Variants in NPFFR2 observed in about 807,000 individuals in gnomAD.
NPFFR2 encodes the protein neuropeptide FF receptor 2.
In NPFFR2, 15 loss-of-function variants were observed where a neutral mutation model predicts 13.1. That is an observed-to-expected ratio of 1.15 (90% CI 0.77 to 1.76). The LOEUF (loss-of-function observed/expected upper bound fraction) is 1.76. Ranked by LOEUF, NPFFR2 falls within the 40% of genes most tolerant of loss-of-function variation. The pLI, the probability that NPFFR2 is intolerant of heterozygous loss-of-function variation, is 0.00. For synonymous variants in NPFFR2, 190 were observed against 175.7 expected, an observed-to-expected ratio of 1.08 and a Z score of -0.65; for missense variants, 572 against 503.5, an observed-to-expected ratio of 1.14 and a Z score of -1.30.
At chr4:72,047,926 T>C (rs1263455841) in intron 1 of NPFFR2, among the ~76,000 whole-genome samples, 1 of 152,120 alleles carries the variant, frequency 6.6e-6, no homozygotes, top group African/African-American at 2.4e-5. Context: ...TATTTGAGAA[T>C]GTGTCTAGGG....
At chr4:72,105,336 A>G (rs1028852720) in intron 1 of NPFFR2, among the ~76,000 whole-genome samples, 1 of 152,058 alleles carries the variant, frequency 6.6e-6, no homozygotes, top group Non-Finnish European at 1.5e-5. Context: ...CTATTTTACT[A>G]CAAAAATATG....
chr4:72,103,007 A>G (rs1039706376), intron 1 of NPFFR2, among the ~76,000 whole-genome samples: 3 of 151,962 alleles, frequency 2.0e-5, no homozygotes, highest in African/African-American at 7.3e-5. Flanking sequence ...AAGTGTTCCT[A>G]TTTCTCCACA....
intron 3 of NPFFR2, among the ~76,000 whole-genome samples, chr4:72,142,118 C>T (rs1722645247): frequency 6.6e-6 from 1 of 152,060 alleles, no homozygotes; most frequent in Non-Finnish European, 1.5e-5. Flanking sequence ...CTTGGTAGAT[C>T]TTCCTCCATC....
intron 2 of NPFFR2, among the ~76,000 whole-genome samples, chr4:72,131,361 C>A (rs1722233521): frequency 6.8e-6 from 1 of 147,446 alleles, no homozygotes; most frequent in Non-Finnish European, 1.5e-5. Flanking sequence ...AGGGTGTACA[C>A]CGCATATTCT....
At chr4:72,047,398 C>T (rs1248509877) in intron 1 of NPFFR2, among the ~76,000 whole-genome samples, 2 of 152,140 alleles carry the variant, frequency 1.3e-5, no homozygotes, top group Non-Finnish European at 2.9e-5. Context: ...AAGCATCCTC[C>T]ATGGGCTCAC....
chr4:72,118,280 C>T (rs1275996368), intron 1 of NPFFR2, among the ~76,000 whole-genome samples: 1 of 152,136 alleles, frequency 6.6e-6, no homozygotes, highest in Non-Finnish European at 1.5e-5. Context: ...TACCATAAGA[C>T]TATAATAAAC....
chr4:72,054,827 T>C (rs1170480509), intron 1 of NPFFR2, among the ~76,000 whole-genome samples: 1 of 151,778 alleles, frequency 6.6e-6, no homozygotes, highest in Non-Finnish European at 1.5e-5. Flanking sequence ...TATTAATAGC[T>C]AATAAACTCA....
intron 3 of NPFFR2, among the ~76,000 whole-genome samples, chr4:72,145,031 C>A (rs1422385148): frequency 2.0e-5 from 3 of 152,052 alleles, no homozygotes; most frequent in Non-Finnish European, 4.4e-5. Flanking sequence ...TTCAATGAAT[C>A]CCCATTGCTC....
At chr4:72,131,129 T>C (rs1722226250) in intron 2 of NPFFR2, among the ~76,000 whole-genome samples, 1 of 151,912 alleles carries the variant, frequency 6.6e-6, no homozygotes, top group Non-Finnish European at 1.5e-5. Flanking sequence ...CATTGGAACC[T>C]GGGGTTTTTA....
chr4:72,086,085 A>C (rs1720762528), intron 1 of NPFFR2, among the ~76,000 whole-genome samples: 1 of 152,120 alleles, frequency 6.6e-6, no homozygotes. Context: ...ATATTAAATA[A>C]TGGATAGAAG....
chr4:72,127,966 G>C (rs1318527265), intron 1 of NPFFR2, among the ~76,000 whole-genome samples: 1 of 151,964 alleles, frequency 6.6e-6, no homozygotes, highest in African/African-American at 2.4e-5. Context: ...TGTGGTCTCA[G>C]CTACTTGGGG....
chr4:72,117,962 G>A (rs1489995548), intron 1 of NPFFR2, among the ~76,000 whole-genome samples: 1 of 151,988 alleles, frequency 6.6e-6, no homozygotes, highest in Non-Finnish European at 1.5e-5. Context: ...AAAGTAACCT[G>A]AGATATATTA....
chr4:72,147,845 C>A lies in NPFFR2; in HGVS notation c.*33C>A. 1 of 1,388,332 alleles carries A rather than the reference C, an allele frequency of 7.2e-7. No individual in the cohort carries two copies. Among genetic ancestry groups the A allele is most frequent in the Non-Finnish European group, 9.7e-7 (1 of 1,025,904 alleles). 86.0% of individuals were successfully genotyped at this position (1,388,332 alleles called of 1,614,324 possible). ...TAGTGTGATAATCCTAACTCTACTA[C>A]GCATTATATATTTAAATCCATTGCT... On this transcript the variant is annotated 3_prime_UTR_variant, in exon 4 of 4. Coordinates refer to ENST00000308744, the MANE Select transcript of NPFFR2 (RefSeq NM_004885.3).
intron 2 of NPFFR2, among the ~76,000 whole-genome samples, chr4:72,133,004 T>G (rs189003445): frequency 6.6e-6 from 1 of 152,242 alleles, no homozygotes; most frequent in East Asian, 1.9e-4. Flanking sequence ...GTTTAATTAT[T>G]AATAGATTCC....
At chr4:72,032,951 T>G (rs549220325) in intron 1 of NPFFR2, among the ~76,000 whole-genome samples, 1 of 152,044 alleles carries the variant, frequency 6.6e-6, no homozygotes, top group Admixed American at 6.5e-5. Flanking sequence ...AAATATTTAT[T>G]TCTTTTTAAA....
At chr4:72,138,767 G>T in intron 3 of NPFFR2, among the ~76,000 whole-genome samples, 1 of 152,122 alleles carries the variant, frequency 6.6e-6, no homozygotes, top group Admixed American at 6.5e-5. Flanking sequence ...AATCCTTTGG[G>T]TATATACCTA....
At chr4:72,139,640 A>G (rs866800116) in intron 3 of NPFFR2, among the ~76,000 whole-genome samples, 2 of 152,010 alleles carry the variant, frequency 1.3e-5, no homozygotes, top group Non-Finnish European at 2.9e-5. Context: ...TACCACTACC[A>G]TGCTGTTTTG....
At chr4:72,101,064 G>GA (rs1721232798) in intron 1 of NPFFR2, among the ~76,000 whole-genome samples, 1 of 151,646 alleles carries the variant, frequency 6.6e-6, no homozygotes, top group Non-Finnish European at 1.5e-5. Context: ...TCACTTTAAA[G>GA]AAAAAATAAA....
At chr4:72,097,511 G>A (rs1721106562) in intron 1 of NPFFR2, among the ~76,000 whole-genome samples, 1 of 152,160 alleles carries the variant, frequency 6.6e-6, no homozygotes, top group African/African-American at 2.4e-5. Flanking sequence ...TGGTCTGTGA[G>A]TAATGCCTTA....
Sources: gnomAD v4.1 joint callset for allele counts (sites outside exome capture counted in the v4.1 genomes callset) on GRCh38, gnomAD v4.1.1 for gene constraint, MANE v1.5 for transcripts, NCBI Gene and HGNC (gene_info 2026-07-23, HGNC 2026-07-21) for gene names.